The following FERMT2 variants were observed in gnomAD, a reference collection of about 807,000 sequenced individuals.
The protein encoded by FERMT2 is fermitin family homolog 2.
In FERMT2, 15 loss-of-function variants were observed where a neutral mutation model predicts 82.7. That is an observed-to-expected ratio of 0.18 (90% confidence interval 0.12 to 0.28). The LOEUF (loss-of-function observed/expected upper bound fraction) is 0.28, where lower values mean the gene tolerates loss of function less well. FERMT2 is among the 10% of genes least tolerant of loss of function. The pLI is 1.00. For missense variants in FERMT2, 645 were observed against 809.4 expected, an observed-to-expected ratio of 0.80 and a Z score of 2.46; for synonymous variants, 274 against 271.5, an observed-to-expected ratio of 1.01 and a Z score of -0.09.
intron 3 of FERMT2, among the ~76,000 whole-genome samples, chr14:52,915,750 A>C (rs1888580434): frequency 6.6e-6 from 1 of 152,242 alleles, no homozygotes; most frequent in South Asian, 2.1e-4. Flanking sequence ...AACCAATGTT[A>C]ACTTCTACAT....
intron 3 of FERMT2, among the ~76,000 whole-genome samples, chr14:52,895,340 C>T (rs182369114): frequency 1.3e-5 from 2 of 152,318 alleles, no homozygotes; most frequent in East Asian, 3.9e-4. Flanking sequence ...CAACTCCAGA[C>T]ATTCTACCCC....
intron 2 of FERMT2, among the ~76,000 whole-genome samples, chr14:52,937,821 C>T (rs1254620318): frequency 6.6e-6 from 1 of 152,128 alleles, no homozygotes; most frequent in Non-Finnish European, 1.5e-5. Context: ...CACCTAAGGG[C>T]CTTCTTTGCT....
chr14:52,889,012 G>T (rs1886771101), intron 4 of FERMT2, among the ~76,000 whole-genome samples: 1 of 152,244 alleles, frequency 6.6e-6, no homozygotes, highest in East Asian at 1.9e-4. Flanking sequence ...TGTGCACAGT[G>T]CAATGGTGAA....
intron 13 of FERMT2, chr14:52,860,087 G>C (rs796158840): frequency 2.7e-5 from 10 of 372,990 alleles, no homozygotes; most frequent in African/African-American, 1.9e-4. Context: ...ACAGTGCTGC[G>C]ATTACAGGCG....
rs932317068 is a variant in FERMT2, at chr14:52,911,521, A to G, written c.391+7602T>C. Among the ~76,000 whole-genome samples the G allele has an allele frequency of 3.2e-4, 48 of 151,876 alleles. 1 individual carries two copies. Among genetic ancestry groups the G allele is most frequent in the Admixed American group, 2.8e-3 (42 of 15,250 alleles). Reference sequence around the variant, plus strand: ...AAAAAATTAGCTGGGCGTGGTGGCGAGCGCCTATAGTCCCAGCTACTAGGG... The same window carrying G: ...AAAAAATTAGCTGGGCGTGGTGGCGGGCGCCTATAGTCCCAGCTACTAGGG... On this transcript the variant is annotated intron_variant, in intron 3 of 14. Transcript: ENST00000341590.
intron 6 of FERMT2, among the ~76,000 whole-genome samples, chr14:52,879,078 C>A (rs1886145509): frequency 6.6e-6 from 1 of 152,130 alleles, no homozygotes; most frequent in Non-Finnish European, 1.5e-5. Flanking sequence ...GTTATTACTG[C>A]AACTTGCCAT....
chr14:52,914,411 C>CA (rs1340205105), intron 3 of FERMT2, among the ~76,000 whole-genome samples: 1 of 104,524 alleles, frequency 9.6e-6, no homozygotes, highest in African/African-American at 2.8e-5. Context: ...GATCTCCCCC[C>CA]AAAACAACAA....
intron 12 of FERMT2, chr14:52,861,110 G>A: frequency 7.3e-7 from 1 of 1,367,892 alleles, no homozygotes; most frequent in Non-Finnish European, 9.8e-7. Context: ...TGGCAACGAA[G>A]CAAAGAAAAA....
chr14:52,858,036 G>A lies in FERMT2; in HGVS notation c.*341C>T, dbSNP rs1413226942. On this transcript the variant is annotated 3_prime_UTR_variant, in exon 15 of 15. Transcript: ENST00000341590. ...AGACATGATAAATAGAGTTCATATA[G>A]GTTAAGCCCTGGATAGCTTTAAAAT... 4.4e-6 allele frequency: 1 copy of A among 227,214 alleles called. No individual in the cohort carries two copies. The highest frequency in any genetic ancestry group is 8.8e-6 in the Non-Finnish European group (1 of 113,750). 14.1% of individuals were successfully genotyped at this position (227,214 alleles called of 1,614,324 possible). A position where few individuals can be genotyped will look rare whatever the true frequency, so the allele number is the denominator to read the frequency against.
chr14:52,864,712 G>A, intron 11 of FERMT2, 35 bp downstream of exon 11: 2 of 1,580,360 alleles, frequency 1.3e-6, no homozygotes, highest in Non-Finnish European at 1.7e-6. Context: ...ACTCATTTAA[G>A]AAAATTGAAG....
At chr14:52,932,650 G>C (rs2139677416) in intron 2 of FERMT2, among the ~76,000 whole-genome samples, 1 of 152,260 alleles carries the variant, frequency 6.6e-6, no homozygotes, top group East Asian at 1.9e-4. Flanking sequence ...TTTTATACTA[G>C]AAATTAAGAC....
At chr14:52,873,994 T>C (rs8017911) in intron 9 of FERMT2, among the ~76,000 whole-genome samples, 183 bp downstream of exon 9, 5,872 of 152,106 alleles carry the variant, frequency 0.039, 355 homozygotes, top group African/African-American at 0.13. Flanking sequence ...GAATGAGCAT[T>C]GTGATTTTAA....
Position 52,895,408 on chromosome 14 carries a change from C to T in FERMT2, c.392-1981G>A, listed in dbSNP as rs967989353. Among the ~76,000 whole-genome samples, 3 of 152,010 alleles carry T rather than the reference C, an allele frequency of 2.0e-5. No individual in the cohort carries two copies. In the East Asian group the frequency reaches 5.8e-4, roughly 29 times the overall value. On this transcript the variant is annotated intron_variant, in intron 3 of 14. Transcript: ENST00000341590. Reference sequence around the variant, plus strand: ...TTGTAATAACTTGATTCATAAAAGCCAAAACTGAAAATAACCCAGATGGAT... The same window carrying T: ...TTGTAATAACTTGATTCATAAAAGCTAAAACTGAAAATAACCCAGATGGAT...
At chr14:52,937,987 T>A (rs1889921981) in intron 2 of FERMT2, among the ~76,000 whole-genome samples, 1 of 152,224 alleles carries the variant, frequency 6.6e-6, no homozygotes, top group Non-Finnish European at 1.5e-5. Flanking sequence ...TACACATGTG[T>A]CTGCATTTAA....
intron 2 of FERMT2, among the ~76,000 whole-genome samples, chr14:52,945,058 G>A (rs1300034123): frequency 2.0e-5 from 3 of 151,814 alleles, no homozygotes; most frequent in African/African-American, 4.8e-5. Context: ...GTGCCATCAC[G>A]CCTGGCTAAT....
chr14:52,864,918 G>A, intron 10 of FERMT2, 65 bp from the exon 11 acceptor site: 1 of 936,338 alleles, frequency 1.1e-6, no homozygotes, highest in South Asian at 1.4e-5. Flanking sequence ...GTCAATACAA[G>A]CAGCCCTCAT....
rs1391799733 is a variant in FERMT2, at chr14:52,950,916, CTCACCGCGCGCTCCT to C, written c.-20_-10+4del. ...TCGGGTCCCGGCGGGGTCCCGCTCCCTCACCGCGCGCTCCTAGCGCTCCGGGCCCGGGACTCGCGC... is the reference window on the plus strand; with the variant it reads ...TCGGGTCCCGGCGGGGTCCCGCTCCCAGCGCTCCGGGCCCGGGACTCGCGC... On this transcript the variant is annotated splice_donor_variant and splice_donor_region_variant and 5_prime_UTR_variant and intron_variant, in exon 1 of 15. Coordinates refer to ENST00000341590, the MANE Select transcript of FERMT2 (RefSeq NM_006832.3). LOFTEE classifies it low-confidence loss of function (5UTR_SPLICE). The C allele has an allele frequency of 5.6e-6, 1 of 178,668 alleles. No homozygotes were observed. The allele number at this position is 178,668 out of a possible 1,614,324, so 11.1% of individuals were successfully genotyped here. A position where few individuals can be genotyped will look rare whatever the true frequency, so the allele number is the denominator to read the frequency against.
intron 3 of FERMT2, among the ~76,000 whole-genome samples, chr14:52,915,998 G>A (rs1396922287): frequency 6.6e-6 from 1 of 152,150 alleles, no homozygotes; most frequent in Admixed American, 6.5e-5. Flanking sequence ...TTTGGTGAGT[G>A]GATAAACAAG....
intron 2 of FERMT2, among the ~76,000 whole-genome samples, chr14:52,926,627 T>C (rs1889290920): frequency 6.6e-6 from 1 of 152,152 alleles, no homozygotes; most frequent in South Asian, 2.1e-4. Context: ...TTTTATTCAG[T>C]ATATCTTATA....
Sources: allele counts gnomAD v4.1 joint callset (sites outside exome capture counted in the v4.1 genomes callset), GRCh38; gene constraint gnomAD v4.1.1; transcripts MANE v1.5; gene names NCBI Gene and HGNC (gene_info 2026-07-23, HGNC 2026-07-21).